INTS11: variants seen among roughly 807,000 people sequenced by gnomAD.
The protein encoded by INTS11 is CPSF3-like protein.
INTS11 carries 77 observed loss-of-function variants against 78.6 expected under a neutral mutation model. The ratio of observed to expected loss-of-function variants is 0.98; its 90% CI spans 0.81 to 1.18. The LOEUF (loss-of-function observed/expected upper bound fraction) is 1.18. Ranked by LOEUF, INTS11 falls within the 50% of genes most tolerant of loss-of-function variation. The pLI is 0.00. For missense variants in INTS11, 875 were observed against 825.9 expected, an observed-to-expected ratio of 1.06 and a Z score of -0.73; for synonymous variants, 441 against 326.9, an observed-to-expected ratio of 1.35 and a Z score of -3.77.
intron 10 of INTS11, 63 bp from the exon 11 acceptor site, chr1:1,313,187 C>T (rs765080194): frequency 8.4e-5 from 128 of 1,527,422 alleles, no homozygotes; most frequent in Non-Finnish European, 1.0e-4. Context: ...AGGCCTTGCC[C>T]GGGATGCCCC....
chr1:1,319,426 C>A lies in INTS11; in HGVS notation c.299G>T (p.Cys100Phe). The change falls in exon 4 of 17, where the codon TGC (cysteine) becomes TTC (phenylalanine). Residue 100 changes from cysteine (C) to phenylalanine (F), a missense_variant. By Grantham distance (205) the Cys-to-Phe change is radical. Coordinates refer to ENST00000435064, the MANE Select transcript of INTS11 (RefSeq NM_017871.6). ...IYMTHPTQAI[C>F]PILLEDYRKI... The stretch of plus-strand genomic sequence containing the variant: ...GCGGTAGTCCTCCAGCAAGATGGGG[C>A]AGATGGCCTGGGTGGGGTGAGTCAT... The A allele has an allele frequency of 6.2e-7, 1 of 1,613,104 alleles. No individual in the cohort carries two copies. The highest frequency in any genetic ancestry group is 1.7e-5 in the Admixed American group (1 of 60,018).
At position 1,312,363 on chromosome 1, in the gene INTS11, G is replaced by T. The variant is rs1214623876; in HGVS notation, c.1470C>A (p.Phe490Leu). ...GGGCTTGCTCTGAGGACACCAGCCG[G>T]AAGTTCTGTGGGGCAGGGACAGGTC... ...HGTLIMKDSN[F>L]RLVSSEQALK... The change falls in exon 15 of 17, where the codon TTC becomes TTA. Residue 490 changes from phenylalanine (F) to leucine (L), a missense_variant. Coordinates refer to ENST00000435064, the MANE Select transcript of INTS11 (RefSeq NM_017871.6). The T allele has an allele frequency of 1.8e-5, 28 of 1,565,914 alleles. No homozygotes were observed. The highest frequency in any genetic ancestry group is 2.3e-5 in the Non-Finnish European group (27 of 1,154,904).
intron 6 of INTS11, chr1:1,315,188 CAG>C: frequency 2.8e-6 from 2 of 725,166 alleles, no homozygotes; most frequent in Non-Finnish European, 4.5e-6. Flanking sequence ...GGCACCCACC[CAG>C]AGACTTGGGA....
rs1468061702 is a variant in INTS11, at chr1:1,314,996, G to GCA, written c.564-36_564-35dup. ...CGGGGGTGGGGGTGTGAGCCACGAT[G>GCA]CACTGTCCCCACGGTTGCAGGGCTG... On this transcript the variant is annotated intron_variant, in intron 6 of 16. Coordinates refer to ENST00000435064, the MANE Select transcript of INTS11 (RefSeq NM_017871.6). The surrounding 1 kb of genome is among the most constrained non-coding windows in gnomAD (Gnocchi z 4.2). 6.2e-7 allele frequency: 1 copy of GCA among 1,605,426 alleles called. No individual in the cohort carries two copies. The highest frequency in any genetic ancestry group is 1.3e-5 in the African/African-American group (1 of 74,916).
rs2100626160 is a variant in INTS11 at position 1,320,487 on chromosome 1, G to T, written c.169C>A (p.Leu57Ile). 6.2e-7 allele frequency: 1 copy of T among 1,613,968 alleles called. No individual in the cohort carries two copies. The change falls in exon 3 of 17, where the codon CTA becomes ATA. Residue 57 changes from leucine (L) to isoleucine (I), a missense_variant. Physicochemically the swap from Leu to Ile is conservative, Grantham distance 5. Coordinates refer to ENST00000435064, the MANE Select transcript of INTS11 (RefSeq NM_017871.6). ...DFSYITQNGR[L>I]TDFLDCVIIS... ...ATCACACAGTCCAGGAAGTCTGTTA[G>T]GCGGCCGTTCTGGGTGATGTAGGAG...
Position 1,315,573 on chromosome 1 carries a change from G to A in INTS11, c.475C>T (p.Leu159=), listed in dbSNP as rs1642528734. 6.2e-7 allele frequency: 1 copy of A among 1,612,288 alleles called. No homozygotes were observed. Among genetic ancestry groups the A allele is most frequent in the South Asian group, 1.1e-5 (1 of 91,008 alleles). ...TTAATCTGGAACATGGCTGCCCCCA[G>A]CACGTGGCCTGCATAGTAGGCCTTG... The part of the protein sequence containing the change: ...EIKAYYAGHV[L]GAAMFQIKVG... Residue 159 remains leucine, a synonymous_variant, in exon 5 of 17, where the codon CTG becomes TTG. Transcript: ENST00000435064.
In INTS11 at chr1:1,319,532, G is replaced by GACGC. The variant is rs1642822568; in HGVS notation, c.201-12_201-9dup. 1 of 1,560,114 alleles carries GACGC rather than the reference G, an allele frequency of 6.4e-7. No homozygotes were observed. On this transcript the variant is annotated splice_polypyrimidine_tract_variant and intron_variant, in intron 3 of 16. Transcript: ENST00000435064. ...TGGTCCAGGTGGAAGTGGCTAGGGG[G>GACGC]ACGCAGCACAGGTCAGCCTGGGCCC...
At position 1,315,391 on chromosome 1, in the gene INTS11, T is replaced by C. The variant is rs1178677379; in HGVS notation, c.563+13A>G. The C allele has an allele frequency of 1.2e-6, 2 of 1,613,014 alleles. No homozygotes were observed. The highest frequency in any genetic ancestry group is 2.7e-5 in the African/African-American group (2 of 74,746). On this transcript the variant is annotated intron_variant, in intron 6 of 16. Transcript: ENST00000435064. ...GGGGCCCACGGGACAAAAAGACACCTCAGCCTACTTACCCTAAGTGTCGGT... is the reference window on the plus strand; with the variant it reads ...GGGGCCCACGGGACAAAAAGACACCCCAGCCTACTTACCCTAAGTGTCGGT...
intron 10 of INTS11, 74 bp from the exon 11 acceptor site, chr1:1,313,198 C>A: frequency 6.7e-7 from 1 of 1,483,134 alleles, no homozygotes. Flanking sequence ...GGGATGCCCC[C>A]GCCTGAACCC....
rs566862119 is a variant in INTS11, at chr1:1,324,628, G to T, written c.-20C>A. ...AGGCATCGTCTCCGCCGCGCTCCCG[G>T]ACCCGCGAGGCCCGCCTGCGGTGAT... On this transcript the variant is annotated 5_prime_UTR_variant, in exon 1 of 17. Transcript: ENST00000435064. 3.1e-6 allele frequency: 5 copies of T among 1,598,738 alleles called. No individual in the cohort carries two copies. The highest frequency in any genetic ancestry group is 2.3e-5 in the East Asian group (1 of 42,956).
chr1:1,315,248 G>A (rs928425229), intron 6 of INTS11, 156 bp downstream of exon 6: 19 of 902,978 alleles, frequency 2.1e-5, no homozygotes, highest in African/African-American at 1.3e-4. Context: ...CTGTGCCTTC[G>A]CGCATTTGGG....
At chr1:1,312,198 T>TGGGGAG in intron 15 of INTS11, 28 bp downstream of exon 15, 1 of 1,078,598 alleles carries the variant, frequency 9.3e-7, no homozygotes, top group Non-Finnish European at 1.2e-6. Context: ...CCCAAGGGAG[T>TGGGGAG]GGGGGGGGGG....
intron 1 of INTS11, among the ~76,000 whole-genome samples, chr1:1,324,245 G>A (rs1643196417): frequency 6.6e-6 from 1 of 151,916 alleles, no homozygotes; most frequent in Non-Finnish European, 1.5e-5. Flanking sequence ...AGGGACTGAA[G>A]GGCTGGTAGG....
Position 1,314,723 on chromosome 1 carries a change from C to T in INTS11, c.702+101G>A, listed in dbSNP as rs1420278986. The T allele has an allele frequency of 4.4e-6, 6 of 1,371,476 alleles. No homozygotes were observed. The highest frequency in any genetic ancestry group is 6.0e-6 in the Non-Finnish European group (6 of 993,260). The allele number at this position is 1,371,476 out of a possible 1,614,324, so 85.0% of individuals were successfully genotyped here. On this transcript the variant is annotated intron_variant, in intron 7 of 16. Coordinates refer to ENST00000435064, the MANE Select transcript of INTS11 (RefSeq NM_017871.6). This position sits in a 1 kb window ranked among gnomAD's most constrained non-coding sequence, Gnocchi z 4.2. ...CTCCCTGCCTGAAAATGCAGTACCC[C>T]CCACCCTGAGACCCTGACCCATGCC...
At position 1,312,209 on chromosome 1, in the gene INTS11, C is replaced by CGGGGCCG; in HGVS notation, c.1607+10_1607+16dup. 2 of 863,564 alleles carry CGGGGCCG rather than the reference C, an allele frequency of 2.3e-6. No individual in the cohort carries two copies. Among genetic ancestry groups the CGGGGCCG allele is most frequent in the South Asian group, 2.0e-5 (1 of 50,542 alleles). 53.5% of individuals were successfully genotyped at this position (863,564 alleles called of 1,614,324 possible). ...AGGGCCCAAGGGAGTGGGGGGGGGG[C>CGGGGCCG]GGGGCCGGGCGCCCACCTCTTGAGG... On this transcript the variant is annotated intron_variant, in intron 15 of 16. Coordinates refer to ENST00000435064, the MANE Select transcript of INTS11 (RefSeq NM_017871.6).
In INTS11 at chr1:1,315,495, C is replaced by A. The variant is rs761989318; in HGVS notation, c.528+25G>T. The A allele has an allele frequency of 5.6e-6, 9 of 1,612,898 alleles. No homozygotes were observed. The East Asian group carries it at 2.0e-4, about 36-fold the overall frequency. On this transcript the variant is annotated intron_variant, in intron 5 of 16. Coordinates refer to ENST00000435064, the MANE Select transcript of INTS11 (RefSeq NM_017871.6). Reference sequence around the variant, plus strand: ...GTGCCTCCCACCCCAGCAGCCCCTCCCAAGCCTCAAGCCCTTCCACTGACC... The same window carrying A: ...GTGCCTCCCACCCCAGCAGCCCCTCACAAGCCTCAAGCCCTTCCACTGACC...
intron 4 of INTS11, 182 bp downstream of exon 4, chr1:1,319,114 T>G: frequency 1.3e-6 from 1 of 774,866 alleles, no homozygotes; most frequent in Non-Finnish European, 2.4e-6. Flanking sequence ...CCCAGTCTGG[T>G]CTGGGACCCG....
At position 1,323,531 on chromosome 1, in the gene INTS11, A is replaced by G. The variant is rs1222735602; in HGVS notation, c.28+1050T>C. Among the ~76,000 whole-genome samples the G allele has an allele frequency of 2.6e-5, 4 of 151,826 alleles. No homozygotes were observed. The South Asian group carries it at 8.3e-4, about 32-fold the overall frequency. On this transcript the variant is annotated intron_variant, in intron 1 of 16. Transcript: ENST00000435064. ...GCAATCCTCACAACTCAGCCTCCCAAGTAGCTTGAACCACAGGCACACACC... is the reference window on the plus strand; with the variant it reads ...GCAATCCTCACAACTCAGCCTCCCAGGTAGCTTGAACCACAGGCACACACC...
Position 1,312,207 on chromosome 1 carries a change from G to GT in INTS11, c.1607+18_1607+19insA. On this transcript the variant is annotated intron_variant, in intron 15 of 16. Coordinates refer to ENST00000435064, the MANE Select transcript of INTS11 (RefSeq NM_017871.6). ...CCAGGGCCCAAGGGAGTGGGGGGGG[G>GT]GCGGGGCCGGGCGCCCACCTCTTGA... 8.7e-7 allele frequency: 1 copy of GT among 1,151,086 alleles called. No individual in the cohort carries two copies. The highest frequency in any genetic ancestry group is 1.4e-5 in the South Asian group (1 of 70,070). The allele number at this position is 1,151,086 out of a possible 1,614,324, so 71.3% of individuals were successfully genotyped here.
Sources: gnomAD v4.1 joint callset for allele counts (sites outside exome capture counted in the v4.1 genomes callset) on GRCh38, gnomAD v4.1.1 for gene constraint, Gnocchi (gnomAD v3.1) non-coding constraint, MANE v1.5 for transcripts, NCBI Gene and HGNC (gene_info 2026-07-23, HGNC 2026-07-21) for gene names.